DDC: variants seen among roughly 807,000 people sequenced by gnomAD.
The protein encoded by DDC is aromatic-L-amino-acid decarboxylase.
A neutral mutation model predicts 60.0 loss-of-function variants in DDC; 43 were observed. The ratio of observed to expected loss-of-function variants is 0.72; its 90% CI spans 0.56 to 0.92. The LOEUF (loss-of-function observed/expected upper bound fraction) is 0.92, where lower values mean the gene tolerates loss of function less well. Ranked by LOEUF, DDC falls within the 40% of genes least tolerant of loss-of-function variation. The probability of loss-of-function intolerance (pLI) is 0.00; values close to 1 mark genes in which losing one functional copy is unlikely to be tolerated. For missense variants in DDC, 573 were observed against 620.2 expected (o/e 0.92, Z 0.81); for synonymous variants, 232 against 234.6 (o/e 0.99, Z 0.10).
At chr7:50,474,678 C>A (rs897880094) in intron 11 of DDC, among the ~76,000 whole-genome samples, 1 of 152,156 alleles carries the variant, frequency 6.6e-6, no homozygotes, top group Non-Finnish European at 1.5e-5. Flanking sequence ...GTGCCCCAGG[C>A]CTTTGAAAGA....
At chr7:50,481,043 A>G (rs1208290154) in intron 9 of DDC, among the ~76,000 whole-genome samples, 1 of 152,224 alleles carries the variant, frequency 6.6e-6, no homozygotes, top group Non-Finnish European at 1.5e-5. Context: ...AGGGCAAACT[A>G]GAGAAGAAAT....
At chr7:50,552,934 G>T (rs2045056469) in intron 1 of DDC, among the ~76,000 whole-genome samples, 2 of 152,150 alleles carry the variant, frequency 1.3e-5, no homozygotes, top group African/African-American at 4.8e-5. Flanking sequence ...TTCCACCTGT[G>T]CCATCTCCTG....
At chr7:50,534,245 G>A (rs541016481) in intron 4 of DDC, among the ~76,000 whole-genome samples, 1 of 152,260 alleles carries the variant, frequency 6.6e-6, no homozygotes, top group Non-Finnish European at 1.5e-5. Context: ...TTCTGCCATG[G>A]AGCTTTGCAG....
intron 1 of DDC, among the ~76,000 whole-genome samples, chr7:50,554,562 G>A (rs757389025): frequency 6.6e-6 from 1 of 152,098 alleles, no homozygotes; most frequent in Non-Finnish European, 1.5e-5. Flanking sequence ...TTACAAACTG[G>A]AAATCCACTG....
At chr7:50,528,748 T>C (rs1037772960) in intron 5 of DDC, among the ~76,000 whole-genome samples, 1 of 152,030 alleles carries the variant, frequency 6.6e-6, no homozygotes, top group African/African-American at 2.4e-5. Flanking sequence ...GGCAGATCCA[T>C]CCTGTCTCAG....
In DDC at chr7:50,503,981, T is replaced by G. The variant is rs2043323044; in HGVS notation, c.781+12A>C. The G allele has an allele frequency of 6.2e-7, 1 of 1,604,098 alleles. No homozygotes were observed. The highest frequency in any genetic ancestry group is 1.1e-5 in the South Asian group (1 of 90,868). ...AACATTTTCCAAAAAGAAAATGGAA[T>G]CGGATACTTACAGATAGGACCGACT... On this transcript the variant is annotated intron_variant, in intron 7 of 14. Coordinates refer to ENST00000444124, the MANE Select transcript of DDC (RefSeq NM_001082971.2).
In DDC at chr7:50,528,256, C is replaced by G; in HGVS notation, c.595G>C (p.Gly199Arg). The change falls in exon 6 of 15, where the codon GGG becomes CGG. Residue 199 changes from glycine (G) to arginine (R), a missense_variant. Physicochemically the swap from Gly to Arg is moderately radical, Grantham distance 125 (BLOSUM62 -2). Transcript: ENST00000444124. ...DQAHSSVERA[G>R]LIGGVKLKAI... ...TTTAATTTCACTCCACCAATTAACC[C>G]AGCTCTTTCCACTGAGGAGTGTGCC... 1 of 1,614,164 alleles carries G rather than the reference C, an allele frequency of 6.2e-7. No individual in the cohort carries two copies. Among genetic ancestry groups the G allele is most frequent in the Non-Finnish European group, 8.5e-7 (1 of 1,180,026 alleles).
intron 6 of DDC, among the ~76,000 whole-genome samples, chr7:50,513,019 G>A (rs773362724): frequency 1.3e-5 from 2 of 152,318 alleles, no homozygotes; most frequent in South Asian, 4.1e-4. Flanking sequence ...ACAGAGCAGC[G>A]TGTGGAGGCT....
intron 9 of DDC, among the ~76,000 whole-genome samples, chr7:50,490,858 GA>G (rs1166910966): frequency 4.6e-5 from 7 of 152,100 alleles, no homozygotes; most frequent in African/African-American, 1.7e-4. Context: ...AATCATAATA[GA>G]ACTAAAACTT....
chr7:50,502,980 C>T (rs2043296432), intron 7 of DDC, among the ~76,000 whole-genome samples: 4 of 152,216 alleles, frequency 2.6e-5, no homozygotes, highest in African/African-American at 9.7e-5. Context: ...GCACCTGCAC[C>T]TTCAGCACCG....
chr7:50,538,538 G>A (rs1194131414), intron 3 of DDC, among the ~76,000 whole-genome samples: 2 of 152,160 alleles, frequency 1.3e-5, no homozygotes, highest in East Asian at 1.9e-4. Flanking sequence ...ATCCCGATGC[G>A]TCACCAGTAA....
At chr7:50,564,757 G>T (rs1056834546) in intron 1 of DDC, among the ~76,000 whole-genome samples, 14 of 152,156 alleles carry the variant, frequency 9.2e-5, no homozygotes, top group Non-Finnish European at 1.3e-4. Flanking sequence ...ACACTGCATA[G>T]GTAGACACCA....
intron 1 of DDC, among the ~76,000 whole-genome samples, chr7:50,546,251 G>A (rs979799822): frequency 4.6e-5 from 7 of 152,158 alleles, no homozygotes; most frequent in African/African-American, 1.7e-4. Context: ...TTGTTCACCA[G>A]GCACTTGTTA....
chr7:50,553,484 C>CTTTTTTTTTTTTTT (rs5884158), intron 1 of DDC, among the ~76,000 whole-genome samples: 20 of 90,924 alleles, frequency 2.2e-4, no homozygotes, highest in Admixed American at 2.9e-4. Flanking sequence ...TCTTTCTTTT[C>CTTTTTTTTTTTTTT]TTTTTTTTTT....
intron 1 of DDC, among the ~76,000 whole-genome samples, chr7:50,545,782 T>A (rs916950222): frequency 1.3e-5 from 2 of 152,140 alleles, no homozygotes; most frequent in Non-Finnish European, 2.9e-5. Context: ...CTCTAGAATA[T>A]TTTCTATTTA....
At chr7:50,536,558 G>A (rs535268563) in intron 4 of DDC, among the ~76,000 whole-genome samples, 2 of 152,338 alleles carry the variant, frequency 1.3e-5, no homozygotes, top group Admixed American at 1.3e-4. Context: ...GCCTCTAGAA[G>A]TCAGAAGAGG....
chr7:50,506,314 T>C (rs1817074), intron 6 of DDC, among the ~76,000 whole-genome samples: 56,335 of 151,900 alleles, frequency 0.37, 10,715 homozygotes, highest in Admixed American at 0.44. Flanking sequence ...TTGCTTTTTT[T>C]TTACAAATTT....
intron 11 of DDC, among the ~76,000 whole-genome samples, chr7:50,473,316 G>A (rs1266116953): frequency 1.3e-5 from 2 of 152,142 alleles, no homozygotes. Context: ...ACTCACACCC[G>A]GCCAACTTGT....
At chr7:50,470,378 C>G (rs1266224642) in intron 11 of DDC, among the ~76,000 whole-genome samples, 1 of 152,206 alleles carries the variant, frequency 6.6e-6, no homozygotes, top group Non-Finnish European at 1.5e-5. Context: ...GAAAGGAACA[C>G]AGATGGGGAC....
Sources: gnomAD v4.1 joint callset for allele counts (sites outside exome capture counted in the v4.1 genomes callset) on GRCh38, gnomAD v4.1.1 for gene constraint, MANE v1.5 for transcripts, NCBI Gene and HGNC (gene_info 2026-07-23, HGNC 2026-07-21) for gene names.